The following ZFAND4 variants were observed in gnomAD, a reference collection of about 807,000 sequenced individuals.
The protein encoded by ZFAND4 is zinc finger AN1-type containing 4.
A neutral mutation model predicts 64.4 loss-of-function variants in ZFAND4; 43 were observed. That is an observed-to-expected ratio of 0.67 (90% CI 0.52 to 0.86). The LOEUF is 0.86. ZFAND4 is among the 40% of genes least tolerant of loss of function. The pLI, the probability that ZFAND4 is intolerant of heterozygous loss-of-function variation, is 0.00. For missense variants in ZFAND4, 929 were observed against 859.8 expected (o/e 1.08, Z -1.01); for synonymous variants, 296 against 305.7 (o/e 0.97, Z 0.33).
intron 8 of ZFAND4, 107 bp from the exon 9 acceptor site, chr10:45,618,367 C>T (rs777364784): frequency 7.4e-7 from 1 of 1,348,762 alleles, no homozygotes; most frequent in Non-Finnish European, 1.0e-6. Context: ...ATATCTATGC[C>T]ATAAAAATTA....
intron 2 of ZFAND4, among the ~76,000 whole-genome samples, chr10:45,658,856 G>C (rs1188873017): frequency 6.6e-6 from 1 of 152,158 alleles, no homozygotes; most frequent in African/African-American, 2.4e-5. Context: ...TCTGATATAT[G>C]GAGAACTTTT....
chr10:45,616,671 C>T (rs903021409), intron 9 of ZFAND4, 100 bp from the exon 10 acceptor site: 20 of 1,259,092 alleles, frequency 1.6e-5, no homozygotes, highest in Non-Finnish European at 2.0e-5. Flanking sequence ...AACAGGGGCC[C>T]TTTGGTTCTT....
chr10:45,650,941 T>C (rs2047719114), intron 4 of ZFAND4: 1 of 152,142 alleles, frequency 6.6e-6, no homozygotes, highest in African/African-American at 2.4e-5. Flanking sequence ...TAAAAAGCAG[T>C]CCAACAGCCA....
At position 45,626,256 on chromosome 10, in the gene ZFAND4, T is replaced by C. The variant is rs34082391; in HGVS notation, c.1567A>G (p.Thr523Ala). The change falls in exon 7 of 10, where the codon ACT (threonine) becomes GCT (alanine). Residue 523 changes from threonine to alanine, a missense_variant. Coordinates refer to ENST00000344646, the MANE Select transcript of ZFAND4 (RefSeq NM_174890.4). ...ACTTTAACACCTTGAAAGCAAGTAG[T>C]CCTAGAGAAAGAAGAATCAGTTATG... ...QNITDSSFSRTTCFQGVKVDS... is the reference protein window; with the variant it reads ...QNITDSSFSRATCFQGVKVDS... The C allele has an allele frequency of 6.1e-3, 9,861 of 1,614,096 alleles. 512 individuals are homozygous for C. The African/African-American group carries it at 0.11, about 19-fold the overall frequency.
At chr10:45,635,195 C>T (rs1219006070) in intron 6 of ZFAND4, among the ~76,000 whole-genome samples, 1 of 27,628 alleles carries the variant, frequency 3.6e-5, no homozygotes, top group Admixed American at 4.8e-4. Context: ...GCCATCTAAG[C>T]AAAAAAAAAA....
intron 2 of ZFAND4, chr10:45,662,598 C>T (rs1255155004): frequency 3.0e-6 from 3 of 985,288 alleles, no homozygotes; most frequent in South Asian, 4.7e-5. Context: ...TTAGGGCAGA[C>T]AAAAGCTTCA....
intron 1 of ZFAND4, 109 bp downstream of exon 1, chr10:45,672,138 ACAT>A (rs1200639932): frequency 6.6e-6 from 1 of 152,232 alleles, no homozygotes; most frequent in Non-Finnish European, 1.5e-5. Flanking sequence ...CTACAGAATC[ACAT>A]CAACCGCCTA....
At chr10:45,622,188 A>C (rs573065545) in intron 8 of ZFAND4, among the ~76,000 whole-genome samples, 1 of 152,362 alleles carries the variant, frequency 6.6e-6, no homozygotes, top group East Asian at 1.9e-4. Flanking sequence ...GTCCAGAAAC[A>C]AATCCTCGTA....
intron 6 of ZFAND4, among the ~76,000 whole-genome samples, chr10:45,631,295 C>T (rs1411034090): frequency 7.2e-6 from 1 of 138,644 alleles, no homozygotes; most frequent in Non-Finnish European, 1.5e-5. Context: ...CCAGCCTGGG[C>T]AACACAGCAA....
In ZFAND4 at chr10:45,653,043, T is replaced by A; in HGVS notation, c.201A>T (p.Arg67=). The stretch of plus-strand genomic sequence containing the variant: ...CCATGTTATTCCAAATTAAGTGTTG[T>A]CGACAGATGGGAATACCTTAAGGGA... ...IRRLEGIPIC[R]QHLIWNNMEL... The change falls in exon 3 of 10, where the codon CGA becomes CGT. Residue 67 remains arginine (R), a synonymous_variant. Coordinates refer to ENST00000344646, the MANE Select transcript of ZFAND4 (RefSeq NM_174890.4). 1 of 1,611,360 alleles carries A rather than the reference T, an allele frequency of 6.2e-7. No individual in the cohort carries two copies. The highest frequency in any genetic ancestry group is 8.5e-7 in the Non-Finnish European group (1 of 1,178,460).
intron 5 of ZFAND4, among the ~76,000 whole-genome samples, chr10:45,644,630 A>G (rs1589358230): frequency 1.3e-5 from 2 of 152,328 alleles, no homozygotes; most frequent in Admixed American, 1.3e-4. Context: ...TTGTTTAAAG[A>G]TTACTTTTCC....
At chr10:45,655,842 C>G (rs2048059676) in intron 2 of ZFAND4, among the ~76,000 whole-genome samples, 1 of 152,170 alleles carries the variant, frequency 6.6e-6, no homozygotes, top group Non-Finnish European at 1.5e-5. Context: ...AGACCAGTAA[C>G]AAGCAGTGAG....
At chr10:45,629,125 A>G (rs2046039387) in intron 6 of ZFAND4, among the ~76,000 whole-genome samples, 1 of 152,062 alleles carries the variant, frequency 6.6e-6, no homozygotes, top group Non-Finnish European at 1.5e-5. Flanking sequence ...TACCCAGGCT[A>G]GAGTGCAGTG....
chr10:45,650,750 G>A (rs192280599), intron 4 of ZFAND4: 27 of 151,976 alleles, frequency 1.8e-4, no homozygotes, highest in Non-Finnish European at 3.2e-4. Flanking sequence ...GTAAACACAG[G>A]GTTCTTGTGC....
intron 5 of ZFAND4, among the ~76,000 whole-genome samples, chr10:45,641,311 G>A (rs2046983115): frequency 6.6e-6 from 1 of 152,138 alleles, no homozygotes; most frequent in Non-Finnish European, 1.5e-5. Context: ...ATACATATTA[G>A]TTTCTATGCA....
Position 45,653,646 on chromosome 10 carries a change from T to A in ZFAND4, c.185-587A>T, listed in dbSNP as rs551585115. On this transcript the variant is annotated intron_variant, in intron 2 of 9. Transcript: ENST00000344646. ...ACAAGCTCACACCTGTCAGAATGGC[T>A]ATTAATAAAAAGTCAAAAAATAACT... Among the ~76,000 whole-genome samples, 26 of 152,274 alleles carry A rather than the reference T, an allele frequency of 1.7e-4. No individual in the cohort carries two copies. In the South Asian group the frequency reaches 5.4e-3, roughly 32 times the overall value.
At position 45,616,429 on chromosome 10, in the gene ZFAND4, G is replaced by C. The variant is rs776361271; in HGVS notation, c.*7C>G. 9.3e-6 allele frequency: 15 copies of C among 1,613,900 alleles called. No individual in the cohort carries two copies. The highest frequency in any genetic ancestry group is 1.3e-5 in the Non-Finnish European group (15 of 1,179,960). On this transcript the variant is annotated 3_prime_UTR_variant, in exon 10 of 10. Transcript: ENST00000344646. Reference sequence around the variant, plus strand: ...CCCGGGCAGAACAGTAAGATGTAGAGGAAGAGTTAGATTTTTGGAAGCTTT... The same window carrying C: ...CCCGGGCAGAACAGTAAGATGTAGACGAAGAGTTAGATTTTTGGAAGCTTT...
rs757780809 is a variant in ZFAND4 at position 45,627,122 on chromosome 10, T to C, written c.718-17A>G. 6 of 1,517,378 alleles carry C rather than the reference T, an allele frequency of 4.0e-6. No individual in the cohort carries two copies. Among genetic ancestry groups the C allele is most frequent in the Non-Finnish European group, 5.3e-6 (6 of 1,135,380 alleles). 94.0% of individuals were successfully genotyped at this position (1,517,378 alleles called of 1,614,324 possible). ...TTTCTTAGGCTAAAAGGAATGAATA[T>C]ACAGTTTCTTTACACAGTCGTTTTC... On this transcript the variant is annotated splice_polypyrimidine_tract_variant and intron_variant, in intron 6 of 9. Coordinates refer to ENST00000344646, the MANE Select transcript of ZFAND4 (RefSeq NM_174890.4).
chr10:45,621,917 T>C (rs534601357), intron 8 of ZFAND4, among the ~76,000 whole-genome samples: 1 of 152,214 alleles, frequency 6.6e-6, no homozygotes, highest in Non-Finnish European at 1.5e-5. Context: ...GGATTTGAAA[T>C]TATGGAGATT....
Sources: gnomAD v4.1 joint callset for allele counts (sites outside exome capture counted in the v4.1 genomes callset) on GRCh38, gnomAD v4.1.1 for gene constraint, MANE v1.5 for transcripts, NCBI Gene and HGNC (gene_info 2026-07-23, HGNC 2026-07-21) for gene names.